LRRC4C: variants seen among roughly 807,000 people sequenced by gnomAD.
LRRC4C encodes the protein leucine-rich repeat-containing protein 4C.
Under a neutral mutation model 33.6 loss-of-function variants are expected in LRRC4C, and 5 were observed. That is an observed-to-expected ratio of 0.15 (90% CI 0.08 to 0.31). The LOEUF (loss-of-function observed/expected upper bound fraction) is 0.31. LRRC4C is among the 10% of genes least tolerant of loss of function. The pLI, the probability that LRRC4C is intolerant of heterozygous loss-of-function variation, is 1.00. For synonymous variants in LRRC4C, 329 were observed against 302.0 expected (o/e 1.09, Z -0.93); for missense variants, 560 against 796.7 (o/e 0.70, Z 3.58).
chr11:40,264,341 T>C (rs1333958089), intron 4 of LRRC4C, among the ~76,000 whole-genome samples: 1 of 152,156 alleles, frequency 6.6e-6, no homozygotes, highest in Non-Finnish European at 1.5e-5. Flanking sequence ...TAAAAAAAAT[T>C]TTCCAATTTT....
At chr11:41,089,232 T>A (rs1940223995) in intron 1 of LRRC4C, among the ~76,000 whole-genome samples, 1 of 152,034 alleles carries the variant, frequency 6.6e-6, no homozygotes, top group Admixed American at 6.6e-5. Flanking sequence ...CATGTTTATA[T>A]CCTTATATAT....
chr11:41,211,471 C>T (rs1946818828), intron 1 of LRRC4C, among the ~76,000 whole-genome samples: 1 of 151,930 alleles, frequency 6.6e-6, no homozygotes, highest in South Asian at 2.1e-4. Context: ...TAATGCTATC[C>T]CTCCCCCTGC....
At chr11:40,672,873 C>T (rs1004624909) in intron 2 of LRRC4C, among the ~76,000 whole-genome samples, 1 of 152,116 alleles carries the variant, frequency 6.6e-6, no homozygotes, top group African/African-American at 2.4e-5. Flanking sequence ...AAGACTTTGA[C>T]TTCTTCACCT....
chr11:40,825,966 C>T (rs1366367518), intron 2 of LRRC4C, among the ~76,000 whole-genome samples: 1 of 142,204 alleles, frequency 7.0e-6, no homozygotes. Flanking sequence ...CACATATATT[C>T]AATGAGTACA....
At chr11:40,911,368 C>A (rs1956677015) in intron 2 of LRRC4C, among the ~76,000 whole-genome samples, 1 of 152,156 alleles carries the variant, frequency 6.6e-6, no homozygotes, top group South Asian at 2.1e-4. Context: ...AACGATCAGG[C>A]AGCAACATTT....
chr11:40,748,841 T>C (rs886128787), intron 2 of LRRC4C, among the ~76,000 whole-genome samples: 1 of 152,068 alleles, frequency 6.6e-6, no homozygotes, highest in African/African-American at 2.4e-5. Flanking sequence ...ATACATATAT[T>C]GATTAAACCA....
intron 3 of LRRC4C, among the ~76,000 whole-genome samples, chr11:40,543,117 C>A (rs1591055519): frequency 6.6e-6 from 1 of 152,132 alleles, no homozygotes; most frequent in South Asian, 2.1e-4. Context: ...TCTTAATCTC[C>A]TTTAAGACCT....
intron 3 of LRRC4C, among the ~76,000 whole-genome samples, chr11:40,563,813 C>G (rs1261681790): frequency 6.6e-6 from 1 of 152,114 alleles, no homozygotes; most frequent in African/African-American, 2.4e-5. Context: ...AGATGTTACC[C>G]AACTCTTTCA....
At chr11:40,746,149 G>A (rs974626021) in intron 2 of LRRC4C, among the ~76,000 whole-genome samples, 6 of 152,116 alleles carry the variant, frequency 3.9e-5, no homozygotes, top group African/African-American at 1.2e-4. Context: ...AAGGCTAAGC[G>A]AGAGACCCTT....
chr11:40,874,049 G>T lies in LRRC4C; in HGVS notation c.-407+59586C>A, dbSNP rs191843756. ...AGGGCTAATACCAGATAATACACAG[G>T]CCAAGTGGCCATTATTAGATTAGAG... On this transcript the variant is annotated intron_variant, in intron 2 of 6. Coordinates refer to ENST00000528697, the MANE Select transcript of LRRC4C (RefSeq NM_001258419.2). Among the ~76,000 whole-genome samples the T allele has an allele frequency of 8.3e-3, 1,261 of 152,220 alleles. 20 individuals are homozygous for T. The highest frequency in any genetic ancestry group is 0.029 in the African/African-American group (1,217 of 41,540).
At chr11:41,294,590 A>G (rs1002746235) in intron 1 of LRRC4C, among the ~76,000 whole-genome samples, 5 of 152,212 alleles carry the variant, frequency 3.3e-5, no homozygotes, top group Admixed American at 3.3e-4. Flanking sequence ...AAGAATTTTA[A>G]GAGGTAAGAT....
chr11:40,890,858 A>T (rs1448401276), intron 2 of LRRC4C, among the ~76,000 whole-genome samples: 1 of 152,196 alleles, frequency 6.6e-6, no homozygotes, highest in Non-Finnish European at 1.5e-5. Flanking sequence ...TGAAAAAAAA[A>T]TTGCAAACAT....
At chr11:40,629,781 G>A (rs915613936) in intron 3 of LRRC4C, among the ~76,000 whole-genome samples, 9 of 152,118 alleles carry the variant, frequency 5.9e-5, no homozygotes, top group Non-Finnish European at 8.8e-5. Context: ...AATGATAGAT[G>A]TTAATATTAT....
chr11:40,318,843 A>G (rs1945704488), intron 4 of LRRC4C, among the ~76,000 whole-genome samples: 1 of 152,206 alleles, frequency 6.6e-6, no homozygotes, highest in Non-Finnish European at 1.5e-5. Context: ...CTATATAGTC[A>G]TCTGCTCTGT....
intron 2 of LRRC4C, among the ~76,000 whole-genome samples, chr11:40,802,694 T>C (rs905781542): frequency 4.6e-5 from 7 of 152,028 alleles, no homozygotes; most frequent in African/African-American, 1.7e-4. Context: ...ATAGAAAATG[T>C]GAGAAAAAAC....
chr11:41,177,296 G>T (rs1413636498), intron 1 of LRRC4C, among the ~76,000 whole-genome samples: 1 of 152,092 alleles, frequency 6.6e-6, no homozygotes, highest in African/African-American at 2.4e-5. Context: ...GTAATTATAG[G>T]GAAGCGTTTT....
intron 2 of LRRC4C, among the ~76,000 whole-genome samples, chr11:40,795,943 T>G (rs964530720): frequency 6.6e-6 from 1 of 152,142 alleles, no homozygotes; most frequent in Non-Finnish European, 1.5e-5. Context: ...AGAGAACTAA[T>G]AATTGAGGGA....
At chr11:40,984,816 G>T (rs11036173) in intron 1 of LRRC4C, among the ~76,000 whole-genome samples, 35,788 of 149,394 alleles carry the variant, frequency 0.24, 4,695 homozygotes, top group Middle Eastern at 0.32. Flanking sequence ...CAGAATAAGT[G>T]GCCATGATTG....
chr11:40,835,452 G>A (rs1462838349), intron 2 of LRRC4C, among the ~76,000 whole-genome samples: 1 of 152,082 alleles, frequency 6.6e-6, no homozygotes, highest in Non-Finnish European at 1.5e-5. Context: ...TTTGATTAAA[G>A]CATCTCTAGA....
Sources: allele counts gnomAD v4.1 joint callset (sites outside exome capture counted in the v4.1 genomes callset), GRCh38; gene constraint gnomAD v4.1.1; transcripts MANE v1.5; gene names NCBI Gene and HGNC (gene_info 2026-07-23, HGNC 2026-07-21).